Variants in MDN1 observed in about 807,000 individuals in gnomAD.
The protein encoded by MDN1 is midasin AAA ATPase 1.
MDN1 carries 266 observed loss-of-function variants against 669.2 expected under a neutral mutation model. That is an observed-to-expected ratio of 0.40 (90% confidence interval 0.36 to 0.44). MDN1 has a LOEUF of 0.44. Ranked by LOEUF, MDN1 falls within the 20% of genes least tolerant of loss-of-function variation. The probability of loss-of-function intolerance (pLI) is 1.00; values close to 1 mark genes in which losing one functional copy is unlikely to be tolerated. For missense variants in MDN1, 5,940 were observed against 6,754.0 expected (o/e 0.88, Z 4.22); for synonymous variants, 2,385 against 2,457.1 (o/e 0.97, Z 0.87).
At chr6:89,789,753 G>A in intron 7 of MDN1, 27 bp downstream of exon 7, 1 of 1,566,388 alleles carries the variant, frequency 6.4e-7, no homozygotes, top group Non-Finnish European at 8.6e-7. Flanking sequence ...TATATTAAGG[G>A]ACAATGAATT....
At chr6:89,763,363 G>T (rs1428639282) in intron 15 of MDN1, among the ~76,000 whole-genome samples, 1 of 147,818 alleles carries the variant, frequency 6.8e-6, no homozygotes, top group East Asian at 1.9e-4. Context: ...AAAAATCTTA[G>T]CTATTGCAAT....
At position 89,801,406 on chromosome 6, in the gene MDN1, A is replaced by C. The variant is rs1177046989; in HGVS notation, c.329+1922T>G. Among the ~76,000 whole-genome samples, 5 of 152,180 alleles carry C rather than the reference A, an allele frequency of 3.3e-5. No individual in the cohort carries two copies. The East Asian group carries it at 5.8e-4, about 18-fold the overall frequency. On this transcript the variant is annotated intron_variant, in intron 2 of 101. Coordinates refer to ENST00000369393, the MANE Select transcript of MDN1 (RefSeq NM_014611.3). ...AGTGGCTTACACCTATAATCCCAGC[A>C]ATCTGGGAGGTCGAGGTAGGCAGAT...
chr6:89,699,207 T>G (rs1401738069), intron 58 of MDN1, among the ~76,000 whole-genome samples, 172 bp from the exon 59 acceptor site: 1 of 152,210 alleles, frequency 6.6e-6, no homozygotes, highest in East Asian at 1.9e-4. Flanking sequence ...TGTGACATGT[T>G]TACAGTTTTA....
intron 55 of MDN1, 22 bp from the exon 56 acceptor site, chr6:89,700,878 G>GTATGCTCTAT (rs1813110472): frequency 1.2e-6 from 2 of 1,608,326 alleles, no homozygotes; most frequent in Non-Finnish European, 8.5e-7. Flanking sequence ...ACACCCACAA[G>GTATGCTCTAT]AGCATACTAT....
Position 89,675,461 on chromosome 6 carries a change from T to C in MDN1, c.12761+3A>G. On this transcript the variant is annotated splice_donor_region_variant and intron_variant, in intron 78 of 101. Coordinates refer to ENST00000369393, the MANE Select transcript of MDN1 (RefSeq NM_014611.3). ...GCCACAAGCCCAACTCATCAGCTGATACCTGAGGATGATCCACTGCTCACT... is the reference window on the plus strand; with the variant it reads ...GCCACAAGCCCAACTCATCAGCTGACACCTGAGGATGATCCACTGCTCACT... The C allele has an allele frequency of 6.2e-7, 1 of 1,609,510 alleles. No individual in the cohort carries two copies. Among genetic ancestry groups the C allele is most frequent in the South Asian group, 1.1e-5 (1 of 90,934 alleles).
At chr6:89,671,112 A>G in intron 82 of MDN1, 32 bp from the exon 83 acceptor site, 1 of 1,603,048 alleles carries the variant, frequency 6.2e-7, no homozygotes, top group Non-Finnish European at 8.5e-7. Flanking sequence ...AGGCCTGCTC[A>G]CACTGCTTGG....
chr6:89,747,597 A>T, intron 26 of MDN1, 127 bp from the exon 27 acceptor site: 1 of 1,172,098 alleles, frequency 8.5e-7, no homozygotes, highest in Non-Finnish European at 1.2e-6. Flanking sequence ...CCACTGAATA[A>T]GATTAATTTT....
chr6:89,643,160 A>G lies in MDN1; in HGVS notation c.*845T>C, dbSNP rs998966107. 47 of 152,174 alleles carry G rather than the reference A, an allele frequency of 3.1e-4. No homozygotes were observed. Among genetic ancestry groups the G allele is most frequent in the African/African-American group, 1.1e-3 (45 of 41,444 alleles). The allele number at this position is 152,174 out of a possible 1,614,324, so 9.4% of individuals were successfully genotyped here. On this transcript the variant is annotated 3_prime_UTR_variant, in exon 102 of 102. Transcript: ENST00000369393. ...GACACAGCGTTTCTTTCCCAGAATG[A>G]GACTGGCTCAGTCCAGCTTGAAAGC...
At chr6:89,727,675 C>T (rs1347393218) in intron 37 of MDN1, among the ~76,000 whole-genome samples, 158 bp downstream of exon 37, 1 of 152,168 alleles carries the variant, frequency 6.6e-6, no homozygotes, top group African/African-American at 2.4e-5. Flanking sequence ...AAGTGACCTT[C>T]CTCATTCTTA....
At chr6:89,734,005 C>G (rs1487249217) in intron 33 of MDN1, among the ~76,000 whole-genome samples, 2 of 152,052 alleles carry the variant, frequency 1.3e-5, no homozygotes, top group Non-Finnish European at 2.9e-5. Context: ...AAAATAAAGG[C>G]CAGGCACGGT....
At chr6:89,783,981 C>CAA (rs1201572887) in intron 9 of MDN1, among the ~76,000 whole-genome samples, 3 of 102,266 alleles carry the variant, frequency 2.9e-5, no homozygotes, top group African/African-American at 3.6e-5. Flanking sequence ...GACTCCATCT[C>CAA]AAAAAAAAAA....
chr6:89,728,842 T>C lies in MDN1; in HGVS notation c.5349+89A>G. ...AAGAAAAATTTGAGGATACTGATAATGTAATCATTTCTGATTAGGCAAATA... is the reference window on the plus strand; with the variant it reads ...AAGAAAAATTTGAGGATACTGATAACGTAATCATTTCTGATTAGGCAAATA... On this transcript the variant is annotated intron_variant, in intron 36 of 101. Coordinates refer to ENST00000369393, the MANE Select transcript of MDN1 (RefSeq NM_014611.3). 3 of 1,308,894 alleles carry C rather than the reference T, an allele frequency of 2.3e-6. 1 individual carries two copies. The highest frequency in any genetic ancestry group is 2.7e-5 in the South Asian group (2 of 74,980). 81.1% of individuals were successfully genotyped at this position (1,308,894 alleles called of 1,614,324 possible).
Position 89,674,392 on chromosome 6 carries a change from T to C in MDN1, c.12959A>G (p.His4320Arg). ...CCPSVGPAPG[H>R]GNVQVLGQPP... ...CTGCCCCAGTACCTGGACATTGCCA[T>C]GGCCTGGAGCTGGCCCTACACTGGG... Residue 4320 changes from histidine (H) to arginine (R), a missense_variant, in exon 79 of 102, where the codon CAT becomes CGT. Around this residue, in one of 5 missense-constraint regions of MDN1, gnomAD observed 2,280 missense variants for 2,576.3 expected, o/e 0.88. Transcript: ENST00000369393. 2 of 1,614,190 alleles carry C rather than the reference T, an allele frequency of 1.2e-6. No homozygotes were observed. The highest frequency in any genetic ancestry group is 1.1e-5 in the South Asian group (1 of 91,082).
chr6:89,759,998 G>C (rs1365343851), intron 17 of MDN1, among the ~76,000 whole-genome samples: 4 of 151,994 alleles, frequency 2.6e-5, no homozygotes, highest in African/African-American at 9.7e-5. Flanking sequence ...CTTCAACCCA[G>C]GAGGCAGAGG....
intron 1 of MDN1, among the ~76,000 whole-genome samples, chr6:89,818,540 C>T (rs532808525): frequency 3.3e-5 from 5 of 150,158 alleles, no homozygotes; most frequent in African/African-American, 9.8e-5. Flanking sequence ...TCACCTGTCC[C>T]GTGGCTCACG....
intron 80 of MDN1, 73 bp from the exon 81 acceptor site, chr6:89,672,775 ATCATTAAAAATAC>A: frequency 6.8e-7 from 1 of 1,473,532 alleles, no homozygotes; most frequent in Non-Finnish European, 9.2e-7. Flanking sequence ...GCCTCTGGAA[ATCATTAAAAATAC>A]TCATTTATTG....
Position 89,743,670 on chromosome 6 carries a change from T to A in MDN1, c.4223A>T (p.Asn1408Ile). 1 of 1,614,170 alleles carries A rather than the reference T, an allele frequency of 6.2e-7. No individual in the cohort carries two copies. Among genetic ancestry groups the A allele is most frequent in the South Asian group, 1.1e-5 (1 of 91,078 alleles). ...TICQVFAALA[N>I]QKLYSVSCHL... ...GCAGCTGACAGAGTATAATTTCTGA[T>A]TTGCCAAGGCTGCAAATACCTGACA... Residue 1408 changes from asparagine to isoleucine, a missense_variant, in exon 30 of 102, where the codon AAT becomes ATT. This residue lies in a region of MDN1 where 2,292 missense variants were observed against 2,638.3 expected (regional missense o/e 0.87). Transcript: ENST00000369393.
chr6:89,771,598 T>C lies in MDN1; in HGVS notation c.2107A>G (p.Met703Val). 6.2e-7 allele frequency: 1 copy of C among 1,614,032 alleles called. No individual in the cohort carries two copies. The highest frequency in any genetic ancestry group is 8.5e-7 in the Non-Finnish European group (1 of 1,179,952). Residue 703 changes from methionine (M) to valine (V), a missense_variant, in exon 15 of 102, where the codon ATG becomes GTG. Around this residue, in one of 5 missense-constraint regions of MDN1, gnomAD observed 1,203 missense variants for 1,268.9 expected, o/e 0.95. Coordinates refer to ENST00000369393, the MANE Select transcript of MDN1 (RefSeq NM_014611.3). ...TCTGCAGTATCACTTTGTTGATTCA[T>C]ATTGACAACCCTCAAACGGTGGCCT... Reference protein sequence around the residue: ...ITGHRLRVVNMNQQSDTADLL... With the variant: ...ITGHRLRVVNVNQQSDTADLL...
At chr6:89,671,227 C>A (rs187813489) in intron 82 of MDN1, 147 bp from the exon 83 acceptor site, 135 of 755,564 alleles carry the variant, frequency 1.8e-4, no homozygotes, top group Middle Eastern at 3.9e-4. Context: ...GTGTTTGTAA[C>A]CTCCACCCAC....
Sources: gnomAD v4.1 joint callset for allele counts (sites outside exome capture counted in the v4.1 genomes callset) on GRCh38, gnomAD v4.1.1 for gene constraint, gnomAD v4.1.1 regional missense constraint, MANE v1.5 for transcripts, NCBI Gene and HGNC (gene_info 2026-07-23, HGNC 2026-07-21) for gene names.